Variants in COL5A2 observed in about 807,000 individuals in gnomAD.
COL5A2 encodes the protein collagen alpha-2(V) chain.
In COL5A2, 23 loss-of-function variants were observed where a neutral mutation model predicts 208.2. The ratio of observed to expected loss-of-function variants is 0.11; its 90% CI spans 0.08 to 0.16. The LOEUF is 0.16. Ranked by LOEUF, COL5A2 falls within the 10% of genes least tolerant of loss-of-function variation. The probability of loss-of-function intolerance (pLI) is 1.00; values close to 1 mark genes in which losing one functional copy is unlikely to be tolerated. For synonymous variants in COL5A2, 625 were observed against 628.5 expected (o/e 0.99, Z 0.08); for missense variants, 1,590 against 1,956.4 (o/e 0.81, Z 3.53).
intron 1 of COL5A2, among the ~76,000 whole-genome samples, chr2:189,144,222 A>G (rs1280822677): frequency 6.6e-6 from 1 of 152,134 alleles, no homozygotes; most frequent in Admixed American, 6.6e-5. Flanking sequence ...CAAAAACTCA[A>G]AAGACAGACA....
chr2:189,377,466 G>A, the COL5A2 span, among the ~76,000 whole-genome samples: 1 of 152,072 alleles, frequency 6.6e-6, no homozygotes, highest in African/African-American at 2.4e-5. Flanking sequence ...AGGAATTCAT[G>A]GTGCTTTCAT....
At chr2:189,198,311 G>T (rs1409032836) in intron 1 of COL5A2, among the ~76,000 whole-genome samples, 1 of 152,126 alleles carries the variant, frequency 6.6e-6, no homozygotes, top group Admixed American at 6.6e-5. Context: ...ACCTAATCTG[G>T]CAATCATTTA....
chr2:189,042,870 C>T, intron 48 of COL5A2, 97 bp from the exon 49 acceptor site: 3 of 1,198,586 alleles, frequency 2.5e-6, no homozygotes, highest in Non-Finnish European at 3.6e-6. Flanking sequence ...GCAGCATGAA[C>T]TACTTTGATA....
chr2:189,340,712 A>G, the COL5A2 span, among the ~76,000 whole-genome samples: 1 of 152,216 alleles, frequency 6.6e-6, no homozygotes, highest in African/African-American at 2.4e-5. Flanking sequence ...TGTGTCTCAC[A>G]AAAGCAGCTC....
chr2:189,159,518 T>C (rs1317405334), intron 1 of COL5A2, among the ~76,000 whole-genome samples: 2 of 152,208 alleles, frequency 1.3e-5, no homozygotes, highest in Admixed American at 6.5e-5. Flanking sequence ...ACAAGCATTA[T>C]ATTTTTCTCA....
chr2:189,176,635 A>C (rs1259936969), intron 1 of COL5A2, among the ~76,000 whole-genome samples: 1 of 152,136 alleles, frequency 6.6e-6, no homozygotes, highest in Non-Finnish European at 1.5e-5. Flanking sequence ...TAAATGCTCT[A>C]GCATTTTCCT....
At chr2:189,045,778 G>A (rs921323157) in intron 46 of COL5A2, 22 bp downstream of exon 46, 1 of 1,595,454 alleles carries the variant, frequency 6.3e-7, no homozygotes, top group Non-Finnish European at 8.6e-7. Context: ...AACTGTCAGT[G>A]TGAAATTGAC....
chr2:189,289,821 G>T, the COL5A2 span, among the ~76,000 whole-genome samples: 1 of 151,994 alleles, frequency 6.6e-6, no homozygotes, highest in Non-Finnish European at 1.5e-5. Flanking sequence ...AAAATACTTA[G>T]AAATAAACTT....
chr2:189,367,886 C>T, the COL5A2 span, among the ~76,000 whole-genome samples: 1 of 152,056 alleles, frequency 6.6e-6, no homozygotes, highest in Non-Finnish European at 1.5e-5. Context: ...TGAAAATAAG[C>T]AGCCATCTGT....
At chr2:189,371,032 A>G in the COL5A2 span, among the ~76,000 whole-genome samples, 1 of 152,066 alleles carries the variant, frequency 6.6e-6, no homozygotes, top group African/African-American at 2.4e-5. Flanking sequence ...CCCCTTGGTG[A>G]TAAGTGAGTT....
intron 1 of COL5A2, among the ~76,000 whole-genome samples, chr2:189,203,653 T>C (rs183812259): frequency 6.6e-6 from 1 of 152,292 alleles, no homozygotes; most frequent in Non-Finnish European, 1.5e-5. Context: ...AGTTCTTTTC[T>C]TACTTTAGAG....
chr2:189,097,282 T>C lies in COL5A2; in HGVS notation c.451A>G (p.Arg151Gly). 6.2e-7 allele frequency: 1 copy of C among 1,614,178 alleles called. No homozygotes were observed. The highest frequency in any genetic ancestry group is 8.5e-7 in the Non-Finnish European group (1 of 1,180,028). The change falls in exon 6 of 54, where the codon AGA becomes GGA. Residue 151 changes from arginine to glycine, a missense_variant. Arg to Gly is a moderately radical substitution (Grantham distance 125). Transcript: ENST00000374866. Reference sequence around the variant, plus strand: ...GAGCCCTCCTGTCAACTTACAGGTCTTCCTTTTGGCCCTCGCTCTCCTCTT... The same window carrying C: ...GAGCCCTCCTGTCAACTTACAGGTCCTCCTTTTGGCCCTCGCTCTCCTCTT... Reference protein sequence around the residue: ...GPRGERGPKGRPGPRGPQGID... With the variant: ...GPRGERGPKGGPGPRGPQGID...
chr2:189,125,751 G>A (rs1687595660), intron 1 of COL5A2, among the ~76,000 whole-genome samples: 1 of 152,022 alleles, frequency 6.6e-6, no homozygotes, highest in Non-Finnish European at 1.5e-5. Flanking sequence ...GTCAACAGTA[G>A]GCTATTAGTA....
the COL5A2 span, among the ~76,000 whole-genome samples, chr2:189,325,104 G>A: frequency 6.6e-6 from 1 of 152,000 alleles, no homozygotes; most frequent in Non-Finnish European, 1.5e-5. Flanking sequence ...ACTCATAGGT[G>A]GGAATGGAAC....
chr2:189,181,918 T>A (rs916651494), upstream of COL5A2, among the ~76,000 whole-genome samples: 1 of 152,212 alleles, frequency 6.6e-6, no homozygotes, highest in Admixed American at 6.5e-5. Flanking sequence ...TGAAAGCTCA[T>A]GGTATGACAG....
intron 29 of COL5A2, 130 bp from the exon 30 acceptor site, chr2:189,061,745 G>T: frequency 1.3e-6 from 1 of 741,452 alleles, no homozygotes; most frequent in Non-Finnish European, 2.4e-6. Context: ...CTTTAGCCAG[G>T]TAATAAACTA....
At chr2:189,340,241 G>A in the COL5A2 span, among the ~76,000 whole-genome samples, 1 of 152,166 alleles carries the variant, frequency 6.6e-6, no homozygotes, top group Non-Finnish European at 1.5e-5. Flanking sequence ...CATTGCTGGA[G>A]TAGTGTGCTA....
the COL5A2 span, among the ~76,000 whole-genome samples, chr2:189,270,349 C>T: frequency 8.5e-5 from 13 of 152,078 alleles, no homozygotes; most frequent in Admixed American, 8.5e-4. Flanking sequence ...TTAGATCTTT[C>T]CTGCTTTCTC....
At chr2:189,426,775 T>C in the COL5A2 span, among the ~76,000 whole-genome samples, 1 of 152,218 alleles carries the variant, frequency 6.6e-6, no homozygotes, top group African/African-American at 2.4e-5. Flanking sequence ...TTAAAAGGGA[T>C]GATTTAGTGT....
Sources: allele counts gnomAD v4.1 joint callset (sites outside exome capture counted in the v4.1 genomes callset), GRCh38; gene constraint gnomAD v4.1.1; transcripts MANE v1.5; gene names NCBI Gene and HGNC (gene_info 2026-07-23, HGNC 2026-07-21).